The following NTM variants were observed in gnomAD, a reference collection of about 807,000 sequenced individuals.
NTM encodes the protein neurotrimin, also known as IgLON family member 2.
NTM carries 13 observed loss-of-function variants against 42.1 expected under a neutral mutation model. The observed-to-expected ratio is 0.31, with a 90% CI of 0.20 to 0.49. The LOEUF is 0.49. Among genes scored for constraint, NTM ranks in the 20% least tolerant of loss-of-function variants. NTM has a pLI of 0.99. For missense variants in NTM, 373 were observed against 452.8 expected (o/e 0.82, Z 1.60); for synonymous variants, 187 against 179.2 (o/e 1.04, Z -0.35).
intron 1 of NTM, among the ~76,000 whole-genome samples, chr11:131,883,173 A>G (rs1344609141): frequency 2.6e-5 from 4 of 152,246 alleles, no homozygotes; most frequent in African/African-American, 9.6e-5. Context: ...CTACTTGTCA[A>G]GACTTACACA....
At chr11:131,466,994 C>T (rs892358357) in intron 1 of NTM, among the ~76,000 whole-genome samples, 1 of 152,234 alleles carries the variant, frequency 6.6e-6, no homozygotes, top group Admixed American at 6.5e-5. Context: ...CGTACACACA[C>T]GCACATGCAA....
intron 1 of NTM, among the ~76,000 whole-genome samples, chr11:131,454,615 T>C (rs932303178): frequency 2.6e-5 from 4 of 152,158 alleles, no homozygotes; most frequent in Non-Finnish European, 4.4e-5. Flanking sequence ...AGAGAGCTTA[T>C]ATCCATCCCA....
chr11:131,506,956 T>G (rs2047564336), intron 1 of NTM, among the ~76,000 whole-genome samples: 4 of 151,900 alleles, frequency 2.6e-5, no homozygotes, highest in South Asian at 2.1e-4. Context: ...CCCAGGGTAT[T>G]GTTCCCAAAG....
intron 4 of NTM, among the ~76,000 whole-genome samples, chr11:132,257,102 C>A (rs895514833): frequency 1.3e-5 from 2 of 152,198 alleles, no homozygotes; most frequent in Admixed American, 1.3e-4. Context: ...CTCTGGCACC[C>A]AGGGGGAAAA....
chr11:131,508,270 A>G (rs1018460276), intron 1 of NTM, among the ~76,000 whole-genome samples: 1 of 145,168 alleles, frequency 6.9e-6, no homozygotes, highest in South Asian at 2.2e-4. Flanking sequence ...TGCAGCCAAA[A>G]AACACATGAA....
At chr11:132,093,746 G>T (rs1343218747) in intron 2 of NTM, among the ~76,000 whole-genome samples, 1 of 152,146 alleles carries the variant, frequency 6.6e-6, no homozygotes, top group Non-Finnish European at 1.5e-5. Flanking sequence ...CTTCCTGAGG[G>T]CTGTGACAGT....
chr11:132,102,351 T>C (rs543603813), intron 2 of NTM, among the ~76,000 whole-genome samples: 27 of 152,352 alleles, frequency 1.8e-4, no homozygotes, highest in Admixed American at 3.3e-4. Flanking sequence ...TCCTGGCTCC[T>C]AGGATGTGTT....
chr11:132,233,648 T>C (rs1339580938), intron 4 of NTM, among the ~76,000 whole-genome samples: 1 of 152,220 alleles, frequency 6.6e-6, no homozygotes, highest in Non-Finnish European at 1.5e-5. Flanking sequence ...ATGCCTGCTT[T>C]TGTCTTACGA....
At chr11:132,321,435 A>AGATGAAATG (rs2095566389) in intron 7 of NTM, among the ~76,000 whole-genome samples, 2 of 152,340 alleles carry the variant, frequency 1.3e-5, no homozygotes, top group East Asian at 1.9e-4. Flanking sequence ...CAGCAATGGA[A>AGATGAAATG]GATGAAATGA....
At chr11:131,702,027 C>T (rs2076126770) in intron 1 of NTM, among the ~76,000 whole-genome samples, 1 of 152,166 alleles carries the variant, frequency 6.6e-6, no homozygotes. Flanking sequence ...GACGTGGCTC[C>T]CTTTCCCACA....
chr11:131,684,205 C>T (rs930009298), intron 1 of NTM, among the ~76,000 whole-genome samples: 11 of 152,128 alleles, frequency 7.2e-5, no homozygotes, highest in African/African-American at 1.9e-4. Flanking sequence ...GGGAGAGCAA[C>T]GTGGGGTGAG....
chr11:132,314,451 A>AGGGGGGCAAGGAGAAGACCAGGAATCCCT (rs2095369699), intron 6 of NTM, 101 bp from the exon 7 acceptor site: 1 of 1,301,532 alleles, frequency 7.7e-7, no homozygotes, highest in African/African-American at 1.5e-5. Flanking sequence ...GATGTCAGAA[A>AGGGGGGCAAGGAGAAGACCAGGAATCCCT]GGGGGGCAAG....
chr11:131,966,594 A>G (rs187669318), intron 2 of NTM, among the ~76,000 whole-genome samples: 14 of 152,322 alleles, frequency 9.2e-5, no homozygotes, highest in Middle Eastern at 3.4e-3. Context: ...TCCAGGCAGA[A>G]GGGACAGGCT....
At chr11:132,128,917 G>A (rs959296147) in intron 2 of NTM, among the ~76,000 whole-genome samples, 43 of 124,808 alleles carry the variant, frequency 3.4e-4, no homozygotes, top group Admixed American at 1.6e-3. Context: ...CAGCCTGGGC[G>A]ATAGAGCGAG....
intron 1 of NTM, among the ~76,000 whole-genome samples, chr11:131,384,942 A>C (rs1018280315): frequency 1.3e-5 from 2 of 152,222 alleles, no homozygotes; most frequent in Non-Finnish European, 2.9e-5. Flanking sequence ...CCTTTCTGCC[A>C]TCTGGACCTG....
chr11:131,436,511 G>C (rs11533199), intron 1 of NTM, among the ~76,000 whole-genome samples: 10,695 of 152,152 alleles, frequency 0.07, 1,754 homozygotes, highest in East Asian at 0.66. Flanking sequence ...TTTAGTATTG[G>C]GAGGGTGTAT....
intron 2 of NTM, among the ~76,000 whole-genome samples, chr11:131,994,971 T>G (rs1165546210): frequency 1.3e-5 from 2 of 152,222 alleles, no homozygotes; most frequent in Non-Finnish European, 2.9e-5. Context: ...TGTAATGTCT[T>G]TTATCTGCCA....
intron 2 of NTM, among the ~76,000 whole-genome samples, chr11:132,049,598 C>A (rs2078557593): frequency 6.6e-6 from 1 of 152,198 alleles, no homozygotes; most frequent in South Asian, 2.1e-4. Context: ...GAGTTATCAG[C>A]ATGGCTGGAG....
At chr11:131,526,594 A>G (rs1216555293) in intron 1 of NTM, among the ~76,000 whole-genome samples, 1 of 152,230 alleles carries the variant, frequency 6.6e-6, no homozygotes, top group Non-Finnish European at 1.5e-5. Flanking sequence ...AAGTAGAGGC[A>G]GCTCTAATCC....
Sources: allele counts gnomAD v4.1 joint callset (sites outside exome capture counted in the v4.1 genomes callset), GRCh38; gene constraint gnomAD v4.1.1; transcripts MANE v1.5; gene names NCBI Gene and HGNC (gene_info 2026-07-23, HGNC 2026-07-21).